Variants in CLN6 observed in about 807,000 individuals in gnomAD.
CLN6 encodes the protein CLN6 transmembrane ER protein.
In CLN6, 22 loss-of-function variants were observed where a neutral mutation model predicts 33.3. The observed-to-expected ratio is 0.66, with a 90% CI of 0.47 to 0.94. The LOEUF is 0.94. CLN6 is among the 40% of genes least tolerant of loss of function. CLN6 has a pLI of 0.00. For missense variants in CLN6, 387 were observed against 417.1 expected, an observed-to-expected ratio of 0.93 and a Z score of 0.63; for synonymous variants, 201 against 174.6, an observed-to-expected ratio of 1.15 and a Z score of -1.19.
intron 1 of CLN6, among the ~76,000 whole-genome samples, chr15:68,253,093 T>G (rs1291127755): frequency 2.0e-5 from 3 of 152,224 alleles, no homozygotes; most frequent in Non-Finnish European, 4.4e-5. Flanking sequence ...GTAGTTTCCC[T>G]CTTTCGCCAC....
At chr15:68,229,479 C>T (rs567850238) in intron 1 of CLN6, 23 bp downstream of exon 1, 2 of 1,456,388 alleles carry the variant, frequency 1.4e-6, no homozygotes, top group Non-Finnish European at 1.8e-6. Flanking sequence ...CTAGCCCGCC[C>T]TCTCACCCCG....
At position 68,245,049 on chromosome 15, in the gene CLN6, A is replaced by G. The variant is rs576648853; in HGVS notation, c.179+11641T>C. On this transcript the variant is annotated intron_variant, in intron 1 of 6. Transcript: ENST00000538696. ...GACTCTGACAAAAAAAAAAAAAAAA[A>G]AGAGAGAGAGAGGCAATATAAAAAT... Among the ~76,000 whole-genome samples, 79 of 150,836 alleles carry G rather than the reference A, an allele frequency of 5.2e-4. No homozygotes were observed. The South Asian group carries it at 8.1e-3, about 16-fold the overall frequency.
rs201554701 is a variant in CLN6, at chr15:68,218,668, G to T, written c.84-18C>A. ...AGCCATGCCTGGGAAGGAACCAGAC[G>T]AGAGAAGTCAGCTCTTCTCTCCTCC... On this transcript the variant is annotated intron_variant, in intron 1 of 6. Coordinates refer to ENST00000249806, the MANE Select transcript of CLN6 (RefSeq NM_017882.3). 5 of 1,591,116 alleles carry T rather than the reference G, an allele frequency of 3.1e-6. No individual in the cohort carries two copies. In the East Asian group the frequency reaches 8.9e-5, roughly 28 times the overall value.
In CLN6 at chr15:68,211,894, C is replaced by A. The variant is rs144808715; in HGVS notation, c.298-31G>T. On this transcript the variant is annotated intron_variant, in intron 3 of 6. Coordinates refer to ENST00000249806, the MANE Select transcript of CLN6 (RefSeq NM_017882.3). The surrounding 1 kb of genome is among the most constrained non-coding windows in gnomAD (Gnocchi z 5.9). ...GTTCAGAGTGGGGTTGGCAGCATGA[C>A]CCCACCTCTGTCACAGTATGTGACA... The A allele has an allele frequency of 1.1e-5, 17 of 1,608,486 alleles. No individual in the cohort carries two copies. The highest frequency in any genetic ancestry group is 1.7e-5 in the Admixed American group (1 of 59,992).
At chr15:68,232,630 T>C (rs1402720034), upstream of CLN6, among the ~76,000 whole-genome samples, 1 of 152,156 alleles carries the variant, frequency 6.6e-6, no homozygotes, top group African/African-American at 2.4e-5. The surrounding 1 kb of genome is among the most constrained non-coding windows in gnomAD (Gnocchi z 4.7). Context: ...TGCAGGAGTG[T>C]TGGACACTCC....
At position 68,236,596 on chromosome 15, in the gene CLN6, T is replaced by C. The variant is rs1355181948; in HGVS notation, c.180-17946A>G. On this transcript the variant is annotated intron_variant, in intron 1 of 6. Coordinates refer to the CLN6 transcript ENST00000538696. The surrounding 1 kb of genome is among the most constrained non-coding windows in gnomAD (Gnocchi z 4.5). Reference sequence around the variant, plus strand: ...CATAATGGGGATAGAAGGAAGTTGATAGTGATGGCTAATGGATACAGGATT... The same window carrying C: ...CATAATGGGGATAGAAGGAAGTTGACAGTGATGGCTAATGGATACAGGATT... Among the ~76,000 whole-genome samples the C allele has an allele frequency of 6.6e-6, 1 of 152,220 alleles. No individual in the cohort carries two copies. The highest frequency in any genetic ancestry group is 1.5e-5 in the Non-Finnish European group (1 of 68,036).
intron 1 of CLN6, among the ~76,000 whole-genome samples, chr15:68,229,054 A>G (rs2093260051): frequency 6.6e-6 from 1 of 152,114 alleles, no homozygotes. Flanking sequence ...TGACAGAATC[A>G]AGTCCTACTC....
chr15:68,245,822 C>T (rs1303716617), intron 1 of CLN6, among the ~76,000 whole-genome samples: 1 of 151,792 alleles, frequency 6.6e-6, no homozygotes, highest in Non-Finnish European at 1.5e-5. Flanking sequence ...AATAAGAAAC[C>T]CAACTTACCA....
At chr15:68,216,052 C>A (rs1420740437) in intron 2 of CLN6, among the ~76,000 whole-genome samples, 1 of 152,164 alleles carries the variant, frequency 6.6e-6, no homozygotes, top group Admixed American at 6.5e-5. Flanking sequence ...TATACAAGAG[C>A]TTTTCAAATG....
intron 1 of CLN6, among the ~76,000 whole-genome samples, chr15:68,243,754 C>CA (rs56110025): frequency 0.12 from 10,148 of 86,636 alleles, 513 homozygotes; most frequent in African/African-American, 0.19. Context: ...GACTCTATCT[C>CA]AAAAAAAAAA....
chr15:68,249,595 C>T (rs1287138461), intron 1 of CLN6, among the ~76,000 whole-genome samples: 1 of 151,454 alleles, frequency 6.6e-6, no homozygotes, highest in Non-Finnish European at 1.5e-5. Flanking sequence ...CTCATGTTCT[C>T]ACTCACATAT....
chr15:68,211,865 TG>T lies in CLN6; in HGVS notation c.298-3del, dbSNP rs1567095944. The T allele has an allele frequency of 6.2e-7, 1 of 1,613,260 alleles. No homozygotes were observed. Among genetic ancestry groups the T allele is most frequent in the Admixed American group, 1.7e-5 (1 of 60,016 alleles). Reference sequence around the variant, plus strand: ...GGTGCGGGGGGACCGCTCGATGAGCTGGGGTTCAGAGTGGGGTTGGCAGCAT... The same window carrying T: ...GGTGCGGGGGGACCGCTCGATGAGCTGGGTTCAGAGTGGGGTTGGCAGCAT... On this transcript the variant is annotated splice_region_variant and splice_polypyrimidine_tract_variant and intron_variant, in intron 3 of 6. Coordinates refer to ENST00000249806, the MANE Select transcript of CLN6 (RefSeq NM_017882.3). This position sits in a 1 kb window ranked among gnomAD's most constrained non-coding sequence, Gnocchi z 5.9.
At chr15:68,233,717 G>A (rs1016905269), upstream of CLN6, among the ~76,000 whole-genome samples, 3 of 152,196 alleles carry the variant, frequency 2.0e-5, no homozygotes, top group Admixed American at 2.0e-4. The surrounding 1 kb of genome is among the most constrained non-coding windows in gnomAD (Gnocchi z 4.3). Context: ...CAGACGAAGT[G>A]GGACCAGGAA....
In CLN6 at chr15:68,208,602, T is replaced by G. The variant is rs1396805456; in HGVS notation, c.666-192A>C. ...ATTGATTTAGCTGGTATAGTTACTG[T>G]TTTTTAAATGTTGAGTTTGTTGCCA... On this transcript the variant is annotated intron_variant, in intron 6 of 6. Transcript: ENST00000249806. This position sits in a 1 kb window ranked among gnomAD's most constrained non-coding sequence, Gnocchi z 5.8. Among the ~76,000 whole-genome samples the G allele has an allele frequency of 2.6e-5, 4 of 152,224 alleles. No homozygotes were observed. Among genetic ancestry groups the G allele is most frequent in the African/African-American group, 9.6e-5 (4 of 41,452 alleles).
chr15:68,245,153 T>C (rs965856048), intron 1 of CLN6, among the ~76,000 whole-genome samples: 7 of 151,918 alleles, frequency 4.6e-5, no homozygotes, highest in South Asian at 2.1e-4. Flanking sequence ...TGGTTTTGCT[T>C]TATTTCTGCT....
At position 68,243,769 on chromosome 15, in the gene CLN6, A is replaced by C. The variant is rs895873884; in HGVS notation, c.179+12921T>G. Among the ~76,000 whole-genome samples, 102 of 151,398 alleles carry C rather than the reference A, an allele frequency of 6.7e-4. 1 individual carries two copies. The highest frequency in any genetic ancestry group is 1.2e-3 in the Non-Finnish European group (83 of 67,866). On this transcript the variant is annotated intron_variant, in intron 1 of 6. Transcript: ENST00000538696. ...GACTCTATCTCAAAAAAAAAAAAAAAACACAAAAAAAAGGATGGGCATGGT... is the reference window on the plus strand; with the variant it reads ...GACTCTATCTCAAAAAAAAAAAAAACACACAAAAAAAAGGATGGGCATGGT...
At chr15:68,229,119 T>G (rs1472591777) in intron 1 of CLN6, among the ~76,000 whole-genome samples, 1 of 151,212 alleles carries the variant, frequency 6.6e-6, no homozygotes, top group Non-Finnish European at 1.5e-5. Flanking sequence ...TGCGGATAAG[T>G]TGGGGGTCCG....
rs1042014110 is a variant in CLN6, at chr15:68,229,366, C to A, written c.83+136G>T. Reference sequence around the variant, plus strand: ...CGCCACGGTAGCGCGCCTCCAAGCCCCCCGCGCTCCGCTCCGCCCCGGCCA... The same window carrying A: ...CGCCACGGTAGCGCGCCTCCAAGCCACCCGCGCTCCGCTCCGCCCCGGCCA... On this transcript the variant is annotated intron_variant, in intron 1 of 6. Transcript: ENST00000249806. 11 of 588,002 alleles carry A rather than the reference C, an allele frequency of 1.9e-5. No homozygotes were observed. In the Admixed American group the frequency reaches 5.0e-4, roughly 27 times the overall value. The allele number at this position is 588,002 out of a possible 1,614,324, so 36.4% of individuals were successfully genotyped here.
In CLN6 at chr15:68,242,387, GA is replaced by G. The variant is rs975619385; in HGVS notation, c.179+14302del. On this transcript the variant is annotated intron_variant, in intron 1 of 6. Transcript: ENST00000538696. The surrounding 1 kb of genome is among the most constrained non-coding windows in gnomAD (Gnocchi z 5.0). ...TTGAAATTACATAGAGGAGAAAAAA[GA>G]AAAAAAGAATACAAAGGAATGAAGA... Among the ~76,000 whole-genome samples, 16 of 151,674 alleles carry G rather than the reference GA, an allele frequency of 1.1e-4. No individual in the cohort carries two copies. The highest frequency in any genetic ancestry group is 1.5e-4 in the Non-Finnish European group (10 of 67,884).
Sources: allele counts gnomAD v4.1 joint callset (sites outside exome capture counted in the v4.1 genomes callset), GRCh38; gene constraint gnomAD v4.1.1; non-coding constraint Gnocchi (gnomAD v3.1); transcripts MANE v1.5; gene names NCBI Gene and HGNC (gene_info 2026-07-23, HGNC 2026-07-21).